Variants in ZNF638 observed in about 807,000 individuals in gnomAD.
The protein encoded by ZNF638 is zinc finger protein 638.
Under a neutral mutation model 195.6 loss-of-function variants are expected in ZNF638, and 46 were observed. The observed-to-expected ratio is 0.24, with a 90% CI of 0.19 to 0.30. The LOEUF (loss-of-function observed/expected upper bound fraction) is 0.30. Among genes scored for constraint, ZNF638 ranks in the 10% least tolerant of loss-of-function variants. ZNF638 has a pLI of 1.00. For synonymous variants in ZNF638, 845 were observed against 772.0 expected (o/e 1.09, Z -1.57); for missense variants, 2,440 against 2,325.3 (o/e 1.05, Z -1.01).
chr2:71,421,475 C>A (rs2080432139), intron 21 of ZNF638, among the ~76,000 whole-genome samples: 1 of 152,056 alleles, frequency 6.6e-6, no homozygotes, highest in South Asian at 2.1e-4. Context: ...GAAAAGTTTT[C>A]TCCTCAGGAT....
At position 71,368,474 on chromosome 2, in the gene ZNF638, A is replaced by G. The variant is rs1466489318; in HGVS notation, c.2088A>G (p.Leu696=). Residue 696 remains leucine (L), a synonymous_variant, in exon 7 of 28, where the codon TTA becomes TTG. Transcript: ENST00000264447. ...DGCTEEDVRK[L]FQPFGKVNDV... is the part of the protein sequence containing the mutation. ...GTACTGAAGAAGATGTGAGAAAATT[A>G]TTTCAACCATTTGGGAAAGTGAATG... The G allele has an allele frequency of 6.2e-7, 1 of 1,613,646 alleles. No homozygotes were observed. The highest frequency in any genetic ancestry group is 1.1e-5 in the South Asian group (1 of 91,056).
In ZNF638 at chr2:71,401,158, C is replaced by T. The variant is rs2104430562; in HGVS notation, c.2697+640C>T. On this transcript the variant is annotated intron_variant, in intron 15 of 27. Coordinates refer to ENST00000264447, the MANE Select transcript of ZNF638 (RefSeq NM_014497.5). ...TTATAGCACCAATTTAGTGTAAAGT[C>T]ACACTAAACTGGTTTATGAAGATTG... 1.3e-5 allele frequency among the ~76,000 whole-genome samples: 2 copies of T among 152,126 alleles called. 1 individual carries two copies.
At chr2:71,354,866 G>A (rs1234305173) in intron 2 of ZNF638, among the ~76,000 whole-genome samples, 3 of 152,064 alleles carry the variant, frequency 2.0e-5, no homozygotes, top group Non-Finnish European at 4.4e-5. Context: ...TTGATCAGTA[G>A]CATTTTTCCC....
At chr2:71,336,694 C>T (rs1225303349) in intron 1 of ZNF638, among the ~76,000 whole-genome samples, 1 of 152,114 alleles carries the variant, frequency 6.6e-6, no homozygotes, top group Admixed American at 6.5e-5. Flanking sequence ...CCAGCTTGCT[C>T]CGGGTAACAT....
chr2:71,425,866 T>C (rs982641487), intron 23 of ZNF638, among the ~76,000 whole-genome samples: 3 of 152,078 alleles, frequency 2.0e-5, no homozygotes, highest in African/African-American at 7.2e-5. Flanking sequence ...GGTTTCACCA[T>C]GTTGGCCAGG....
At chr2:71,428,396 C>A (rs1468828796) in intron 24 of ZNF638, 151 bp from the exon 25 acceptor site, 3 of 516,488 alleles carry the variant, frequency 5.8e-6, no homozygotes, top group Admixed American at 3.5e-5. Flanking sequence ...AAATAGAATT[C>A]TTCTATTTTA....
intron 15 of ZNF638, among the ~76,000 whole-genome samples, chr2:71,401,745 T>G (rs1014733095): frequency 2.6e-5 from 4 of 152,062 alleles, no homozygotes; most frequent in Non-Finnish European, 5.9e-5. Flanking sequence ...ATGGTATAAC[T>G]ACAATTAGTC....
At chr2:71,344,117 G>A (rs1002119068) in intron 1 of ZNF638, among the ~76,000 whole-genome samples, 2 of 152,148 alleles carry the variant, frequency 1.3e-5, no homozygotes, top group South Asian at 4.1e-4. Context: ...GCGACAGAGC[G>A]AGACTCCGTC....
chr2:71,351,857 T>C (rs541076163), intron 2 of ZNF638, among the ~76,000 whole-genome samples: 7 of 152,290 alleles, frequency 4.6e-5, no homozygotes, highest in African/African-American at 1.4e-4. Context: ...TGATTTAACT[T>C]GTTTGGATAT....
intron 15 of ZNF638, among the ~76,000 whole-genome samples, chr2:71,401,109 A>G (rs1379970841): frequency 6.6e-6 from 1 of 152,154 alleles, no homozygotes; most frequent in Non-Finnish European, 1.5e-5. Context: ...ACTAAGTAGT[A>G]AGTCTTATTT....
At chr2:71,401,293 TGA>T (rs1438086441) in intron 15 of ZNF638, among the ~76,000 whole-genome samples, 2 of 152,096 alleles carry the variant, frequency 1.3e-5, no homozygotes, top group Admixed American at 6.6e-5. Context: ...TTGGCATTGA[TGA>T]GAGAGTTACC....
In ZNF638 at chr2:71,406,141, C is replaced by A. The variant is rs374822402; in HGVS notation, c.3014C>A (p.Thr1005Lys). 9 of 1,613,290 alleles carry A rather than the reference C, an allele frequency of 5.6e-6. No homozygotes were observed. Among genetic ancestry groups the A allele is most frequent in the African/African-American group, 2.7e-5 (2 of 74,894 alleles). ...KENDPEANID[T>K]IYDRFVHLDN... ...AAAAAACTACAGGCAAACATAGATA[C>A]AATTTATGATCGATTTGTACATCTT... The change falls in exon 19 of 28, where the codon ACA (threonine) becomes AAA (lysine). Residue 1005 changes from threonine to lysine, a missense_variant. By Grantham distance (78) the Thr-to-Lys change is moderately conservative (BLOSUM62 -1). Coordinates refer to ENST00000264447, the MANE Select transcript of ZNF638 (RefSeq NM_014497.5).
intron 10 of ZNF638, among the ~76,000 whole-genome samples, chr2:71,389,698 C>T (rs922383720): frequency 2.6e-5 from 4 of 152,158 alleles, no homozygotes; most frequent in Non-Finnish European, 2.9e-5. Context: ...ATTCCGAAAG[C>T]GGAAGTTCAA....
At chr2:71,367,738 C>CCT (rs2079227774) in intron 6 of ZNF638, among the ~76,000 whole-genome samples, 1 of 144,954 alleles carries the variant, frequency 6.9e-6, no homozygotes, top group South Asian at 2.2e-4. Flanking sequence ...CAGGCCTGGC[C>CCT]TTTTTTTTTT....
intron 12 of ZNF638, among the ~76,000 whole-genome samples, chr2:71,399,172 G>A (rs969394597): frequency 2.0e-5 from 3 of 151,924 alleles, no homozygotes; most frequent in African/African-American, 7.3e-5. Flanking sequence ...TTTTCATAAA[G>A]AAATGGAACA....
rs1182943664 is a variant in ZNF638 at position 71,349,370 on chromosome 2, G to C, written c.416G>C (p.Ser139Thr). ...GTACAGAGCCGCTATACAAAAGAGA[G>C]TGCCTCAAGTATCTTAGCAAGTTTT... ...PKVQSRYTKE[S>T]ASSILASFGL... Residue 139 changes from serine (S) to threonine (T), a missense_variant, in exon 2 of 28, where the codon AGT becomes ACT. By Grantham distance (58) the Ser-to-Thr change is moderately conservative (BLOSUM62 1). Transcript: ENST00000264447. 6.2e-7 allele frequency: 1 copy of C among 1,614,108 alleles called. No individual in the cohort carries two copies. Among genetic ancestry groups the C allele is most frequent in the Non-Finnish European group, 8.5e-7 (1 of 1,180,018 alleles).
At chr2:71,406,970 A>G (rs1479573920) in intron 19 of ZNF638, among the ~76,000 whole-genome samples, 1 of 152,254 alleles carries the variant, frequency 6.6e-6, no homozygotes, top group African/African-American at 2.4e-5. Flanking sequence ...ACCACACTCC[A>G]GCCTGGGTAA....
intron 10 of ZNF638, among the ~76,000 whole-genome samples, chr2:71,383,917 T>A (rs1272312946): frequency 6.6e-6 from 1 of 151,738 alleles, no homozygotes. Context: ...CCTGGGTGAT[T>A]TCTTTCCTGT....
chr2:71,358,559 T>C (rs1051189977), intron 3 of ZNF638, among the ~76,000 whole-genome samples: 12 of 152,204 alleles, frequency 7.9e-5, no homozygotes, highest in African/African-American at 2.9e-4. Context: ...TTTTTCCTAT[T>C]GTGGGGCTTA....
Sources: gnomAD v4.1 joint callset for allele counts (sites outside exome capture counted in the v4.1 genomes callset) on GRCh38, gnomAD v4.1.1 for gene constraint, MANE v1.5 for transcripts, NCBI Gene and HGNC (gene_info 2026-07-23, HGNC 2026-07-21) for gene names.